Variants in TBC1D8 observed in about 807,000 individuals in gnomAD.
TBC1D8 encodes the protein BUB2-like protein 1.
Under a neutral mutation model 118.8 loss-of-function variants are expected in TBC1D8, and 65 were observed. The observed-to-expected ratio is 0.55, with a 90% confidence interval of 0.45 to 0.67. TBC1D8 has a LOEUF of 0.67. Among genes scored for constraint, TBC1D8 ranks in the 30% least tolerant of loss-of-function variants. The pLI, the probability that TBC1D8 is intolerant of heterozygous loss-of-function variation, is 0.00. For synonymous variants in TBC1D8, 566 were observed against 595.8 expected (o/e 0.95, Z 0.73); for missense variants, 1,376 against 1,471.2 (o/e 0.94, Z 1.06).
intron 1 of TBC1D8, among the ~76,000 whole-genome samples, chr2:101,135,571 G>A (rs1181987557): frequency 3.9e-5 from 6 of 152,188 alleles, no homozygotes; most frequent in Non-Finnish European, 2.9e-5. Context: ...AGTAGGTCAC[G>A]TGAATACATC....
intron 1 of TBC1D8, among the ~76,000 whole-genome samples, chr2:101,124,864 G>A (rs539692443): frequency 4.4e-4 from 67 of 152,274 alleles, no homozygotes; most frequent in Non-Finnish European, 7.2e-4. Context: ...ATCTGGAGAC[G>A]TGATAGGGCT....
At chr2:101,117,790 T>C (rs573305987) in intron 1 of TBC1D8, among the ~76,000 whole-genome samples, 3 of 151,648 alleles carry the variant, frequency 2.0e-5, no homozygotes, top group East Asian at 1.9e-4. Context: ...TCAGGCAGGA[T>C]GGTCTCGATC....
At position 101,038,507 on chromosome 2, in the gene TBC1D8, T is replaced by A; in HGVS notation, c.1229A>T (p.His410Leu). The A allele has an allele frequency of 1.1e-5, 17 of 1,613,742 alleles. No individual in the cohort carries two copies. Among genetic ancestry groups the A allele is most frequent in the Non-Finnish European group, 1.4e-5 (17 of 1,179,852 alleles). ...EALLARLKQV[H>L]ANHPVHYDTS... ...GTCGTAGTGCACGGGGTGGTTGGCG[T>A]GGACCTGCTTCAACCTCGCAAGCAG... The change falls in exon 7 of 20, where the codon CAC (histidine) becomes CTC (leucine). Residue 410 changes from histidine (H) to leucine (L), a missense_variant. Physicochemically the swap from His to Leu is moderately conservative, Grantham distance 99 (BLOSUM62 -3). Transcript: ENST00000409318.
intron 6 of TBC1D8, among the ~76,000 whole-genome samples, chr2:101,039,443 C>A (rs910948323): frequency 2.6e-5 from 4 of 152,116 alleles, no homozygotes; most frequent in African/African-American, 9.7e-5. Flanking sequence ...CACAGTGAAA[C>A]CCTCCTCTCT....
chr2:101,040,411 GAAGA>G (rs764890590), intron 5 of TBC1D8, 26 bp from the exon 6 acceptor site: 2 of 1,562,648 alleles, frequency 1.3e-6, no homozygotes, highest in Admixed American at 1.9e-5. Flanking sequence ...GAGAGAAGAA[GAAGA>G]GATAGGAAAG....
intron 1 of TBC1D8, among the ~76,000 whole-genome samples, chr2:101,108,780 A>C (rs1677395584): frequency 6.6e-6 from 1 of 151,678 alleles, no homozygotes; most frequent in South Asian, 2.1e-4. Context: ...CTGATAAGCA[A>C]CCTTACTTCC....
At chr2:101,104,744 G>A (rs759060666) in intron 1 of TBC1D8, among the ~76,000 whole-genome samples, 1 of 152,110 alleles carries the variant, frequency 6.6e-6, no homozygotes, top group Non-Finnish European at 1.5e-5. Flanking sequence ...GGTCAGGCGC[G>A]GTGGCTCATG....
chr2:101,072,517 C>A (rs1389524385), intron 2 of TBC1D8, among the ~76,000 whole-genome samples: 2 of 152,210 alleles, frequency 1.3e-5, no homozygotes, highest in African/African-American at 4.8e-5. Context: ...AACTTTCTGG[C>A]ACCAGAGACC....
At chr2:101,052,723 G>A (rs1682153089) in intron 4 of TBC1D8, among the ~76,000 whole-genome samples, 1 of 151,956 alleles carries the variant, frequency 6.6e-6, no homozygotes, top group Non-Finnish European at 1.5e-5. Flanking sequence ...AACACAATAA[G>A]GTTTAGTGAC....
At chr2:101,060,588 T>C (rs897137127) in intron 2 of TBC1D8, among the ~76,000 whole-genome samples, 1 of 152,200 alleles carries the variant, frequency 6.6e-6, no homozygotes, top group African/African-American at 2.4e-5. Flanking sequence ...TCATTTTAGT[T>C]GTCTGTATTT....
Position 101,136,577 on chromosome 2 carries a change from A to G in TBC1D8, c.127+14550T>C, listed in dbSNP as rs1678862767. On this transcript the variant is annotated intron_variant, in intron 1 of 19. Coordinates refer to ENST00000409318, the MANE Select transcript of TBC1D8 (RefSeq NM_001330348.2). ...TGGGATTAAACATGGTCCAATTTGG[A>G]GCCTAAGTGAGCATCAAAGCCTTCC... is the stretch of plus-strand genomic sequence containing the variant. Among the ~76,000 whole-genome samples, 4 of 152,352 alleles carry G rather than the reference A, an allele frequency of 2.6e-5. No homozygotes were observed. The East Asian group carries it at 5.8e-4, about 22-fold the overall frequency.
intron 1 of TBC1D8, among the ~76,000 whole-genome samples, chr2:101,100,109 AC>A (rs997525952): frequency 2.4e-4 from 37 of 152,232 alleles, no homozygotes; most frequent in South Asian, 1.0e-3. Flanking sequence ...TATTTAGAAA[AC>A]CCCATCATCT....
In TBC1D8 at chr2:101,011,187, G is replaced by A; in HGVS notation, c.2918-161C>T. The A allele has an allele frequency of 2.8e-6, 2 of 721,554 alleles. 1 individual carries two copies. The highest frequency in any genetic ancestry group is 3.8e-5 in the South Asian group (2 of 53,084). The allele number at this position is 721,554 out of a possible 1,614,324, so 44.7% of individuals were successfully genotyped here. A position where few individuals can be genotyped will look rare whatever the true frequency, so the allele number is the denominator to read the frequency against. ...AGATTCCCCTGGAGAGCCAGTGGGTGGTAACTGGGGGACTTCTGCTCTAAG... is the reference window on the plus strand; with the variant it reads ...AGATTCCCCTGGAGAGCCAGTGGGTAGTAACTGGGGGACTTCTGCTCTAAG... On this transcript the variant is annotated intron_variant, in intron 18 of 19. Coordinates refer to ENST00000409318, the MANE Select transcript of TBC1D8 (RefSeq NM_001330348.2).
chr2:101,139,326 C>CA (rs111845842), intron 1 of TBC1D8, among the ~76,000 whole-genome samples: 122 of 148,042 alleles, frequency 8.2e-4, no homozygotes, highest in African/African-American at 1.9e-3. Context: ...CAAAAAACAA[C>CA]AAAAAAAAAA....
At position 101,011,273 on chromosome 2, in the gene TBC1D8, C is replaced by T. The variant is rs138765479; in HGVS notation, c.2917+178G>A. ...TGGTGGTGGGGGCAAGGGGCAGCCACCCAGCAACACCCCCACTAGGAGCAC... is the reference window on the plus strand; with the variant it reads ...TGGTGGTGGGGGCAAGGGGCAGCCATCCAGCAACACCCCCACTAGGAGCAC... On this transcript the variant is annotated intron_variant, in intron 18 of 19. Transcript: ENST00000409318. The T allele has an allele frequency of 6.8e-3, 4,905 of 721,820 alleles. 42 individuals carry two copies. Among genetic ancestry groups the T allele is most frequent in the Middle Eastern group, 0.035 (89 of 2,538 alleles). 44.7% of individuals were successfully genotyped at this position (721,820 alleles called of 1,614,324 possible). A position where few individuals can be genotyped will look rare whatever the true frequency, so the allele number is the denominator to read the frequency against.
At chr2:101,123,263 A>G (rs1436587407) in intron 1 of TBC1D8, among the ~76,000 whole-genome samples, 1 of 152,116 alleles carries the variant, frequency 6.6e-6, no homozygotes, top group African/African-American at 2.4e-5. Context: ...TCTAGATAGA[A>G]GATCATATTG....
intron 1 of TBC1D8, among the ~76,000 whole-genome samples, chr2:101,096,566 C>G (rs1345113214): frequency 1.3e-5 from 2 of 151,780 alleles, no homozygotes; most frequent in Non-Finnish European, 2.9e-5. Context: ...AATAAGGGCT[C>G]TAATGAAGAA....
At position 101,022,425 on chromosome 2, in the gene TBC1D8, C is replaced by T. The variant is rs765215799; in HGVS notation, c.2617G>A (p.Ala873Thr). Reference sequence around the variant, plus strand: ...TGAAACAGGTGTGCAAACTGCCGGGCATCTATGCGGTACTGCTCAGCATAG... The same window carrying T: ...TGAAACAGGTGTGCAAACTGCCGGGTATCTATGCGGTACTGCTCAGCATAG... ...RPYAEQYRID[A>T]RQFAHLFQLV... The change falls in exon 16 of 20, where the codon GCC (alanine) becomes ACC (threonine). Residue 873 changes from alanine to threonine, a missense_variant. By Grantham distance (58) the Ala-to-Thr change is moderately conservative. Transcript: ENST00000409318. 6 of 1,613,252 alleles carry T rather than the reference C, an allele frequency of 3.7e-6. No homozygotes were observed. The South Asian group carries it at 4.4e-5, about 12-fold the overall frequency.
At chr2:101,123,992 T>C (rs1678240650) in intron 1 of TBC1D8, among the ~76,000 whole-genome samples, 1 of 152,176 alleles carries the variant, frequency 6.6e-6, no homozygotes, top group African/African-American at 2.4e-5. Flanking sequence ...GCCATGGACT[T>C]GGTGCTTGGA....
Sources: allele counts gnomAD v4.1 joint callset (sites outside exome capture counted in the v4.1 genomes callset), GRCh38; gene constraint gnomAD v4.1.1; transcripts MANE v1.5; gene names NCBI Gene and HGNC (gene_info 2026-07-23, HGNC 2026-07-21).